OR4F17: variants seen among roughly 807,000 people sequenced by gnomAD.
The protein encoded by OR4F17 is olfactory receptor 4F17.
For missense variants in OR4F17, 1 was observed against 323.6 expected (o/e 0.00, Z 7.65); for synonymous variants, 1 against 120.7 (o/e 0.01, Z 6.50).
At chr19:108,845 A>G (rs1968666732) in intron 2 of OR4F17, among the ~76,000 whole-genome samples, 1 of 152,182 alleles carries the variant, frequency 6.6e-6, no homozygotes, top group Non-Finnish European at 1.5e-5. Context: ...GTGAATGTTC[A>G]TGATTTATTC....
At chr19:109,931 T>C (rs1280575066) in intron 2 of OR4F17, among the ~76,000 whole-genome samples, 6 of 152,132 alleles carry the variant, frequency 3.9e-5, no homozygotes. Flanking sequence ...ATTACTTGGC[T>C]TCATTTCCAA....
At chr19:109,847 C>A (rs1423429276) in intron 2 of OR4F17, among the ~76,000 whole-genome samples, 1 of 152,018 alleles carries the variant, frequency 6.6e-6, no homozygotes, top group Admixed American at 6.6e-5. Context: ...TGGGATCTTA[C>A]AGGTCTTCAT....
intron 2 of OR4F17, among the ~76,000 whole-genome samples, chr19:108,276 A>T (rs1158657519): frequency 6.7e-5 from 10 of 149,304 alleles, no homozygotes; most frequent in Non-Finnish European, 1.3e-4. Context: ...ACCTGTCAAC[A>T]GTGGCTGGCT....
At chr19:109,254 T>A (rs1968673932) in intron 2 of OR4F17, among the ~76,000 whole-genome samples, 1 of 151,762 alleles carries the variant, frequency 6.6e-6, no homozygotes, top group Admixed American at 6.6e-5. Flanking sequence ...CTTGAAACAG[T>A]ACTTATTTTC....
chr19:108,435 G>A (rs1743909893), intron 2 of OR4F17, among the ~76,000 whole-genome samples: 1 of 151,612 alleles, frequency 6.6e-6, no homozygotes, highest in South Asian at 2.1e-4. Flanking sequence ...AAGAATTATG[G>A]TGGTGAAGGA....
rs1410720233 is a variant in OR4F17 at position 110,909 on chromosome 19, C to CA, written c.231_232insA (p.Phe78IlefsTer27). On this transcript the variant is annotated frameshift_variant, in exon 3 of 3. Coordinates refer to ENST00000585993, the MANE Select transcript of OR4F17 (RefSeq NM_001005240.3). LOFTEE classifies it high-confidence loss of function. ...TCACAGCCCCCAAGATGATTACTGA[C>CA]TTTTTCAGCCAGCGCAAAGTCATCT... 1 of 1,420,636 alleles carries CA rather than the reference C, an allele frequency of 7.0e-7. No homozygotes were observed. Among genetic ancestry groups the CA allele is most frequent in the African/African-American group, 1.4e-5 (1 of 70,932 alleles). The allele number at this position is 1,420,636 out of a possible 1,614,324, so 88.0% of individuals were successfully genotyped here.
Position 107,820 on chromosome 19 carries a change from TATATAATATAA to T in OR4F17, c.-55+279_-55+289del, listed in dbSNP as rs1320527823. Among the ~76,000 whole-genome samples, 18 of 111,344 alleles carry T rather than the reference TATATAATATAA, an allele frequency of 1.6e-4. 1 individual carries two copies. The highest frequency in any genetic ancestry group is 5.6e-4 in the African/African-American group (17 of 30,244). The allele number at this position is 111,344 out of a possible 152,430, so 73.0% of individuals were successfully genotyped here. ...TATATATATAATATATATTATATAA[TATATAATATAA>T]ATATAATATAAATTATATAAATATA... On this transcript the variant is annotated intron_variant, in intron 2 of 2. Coordinates refer to ENST00000585993, the MANE Select transcript of OR4F17 (RefSeq NM_001005240.3).
intron 2 of OR4F17, among the ~76,000 whole-genome samples, chr19:108,936 C>T (rs1386683334): frequency 6.6e-6 from 1 of 151,664 alleles, no homozygotes; most frequent in African/African-American, 2.4e-5. Flanking sequence ...TAATGTGCTG[C>T]TTTGAGTGTG....
chr19:109,907 T>C (rs1160536096), intron 2 of OR4F17, among the ~76,000 whole-genome samples: 1 of 152,190 alleles, frequency 6.6e-6, no homozygotes, highest in African/African-American at 2.4e-5. Context: ...TTACCTACTG[T>C]TAGGCTTAAA....
At chr19:109,744 G>T (rs1025401730) in intron 2 of OR4F17, among the ~76,000 whole-genome samples, 10 of 133,804 alleles carry the variant, frequency 7.5e-5, no homozygotes, top group South Asian at 6.0e-4. Context: ...ACTTGTCTAA[G>T]GTCATTCAGA....
intron 2 of OR4F17, among the ~76,000 whole-genome samples, chr19:107,792 TTATA>T (rs778763230): frequency 2.5e-4 from 30 of 122,384 alleles, no homozygotes; most frequent in African/African-American, 8.9e-4. Flanking sequence ...ATATTACATA[TTATA>T]TATATATAAT....
intron 1 of OR4F17, 32 bp downstream of exon 1, chr19:107,189 TAGA>T (rs1240721772): frequency 2.3e-4 from 27 of 118,142 alleles, no homozygotes; most frequent in Admixed American, 4.2e-4. Context: ...ACACATATAT[TAGA>T]AGAATGAATG....
chr19:108,165 A>ATATATATTATATAAATATATT (rs1347401651), intron 2 of OR4F17, among the ~76,000 whole-genome samples: 24 of 82,978 alleles, frequency 2.9e-4, no homozygotes, highest in East Asian at 5.7e-4. Context: ...AATATGTATA[A>ATATATATTATATAAATATATT]TATATATTAT....
At position 111,010 on chromosome 19, in the gene OR4F17, TG is replaced by T; in HGVS notation, c.335del (p.Gly112AlafsTer6). 9.6e-7 allele frequency: 1 copy of T among 1,043,090 alleles called. No homozygotes were observed. The highest frequency in any genetic ancestry group is 1.5e-5 in the African/African-American group (1 of 64,828). The allele number at this position is 1,043,090 out of a possible 1,614,324, so 64.6% of individuals were successfully genotyped here. On this transcript the variant is annotated frameshift_variant, in exon 3 of 3. Transcript: ENST00000585993. LOFTEE classifies it high-confidence loss of function. ...AGTGAGATGGTGATCCTCATAGCCATGGGCTTTGACAGATATATAGCAATAT... is the reference window on the plus strand; with the variant it reads ...AGTGAGATGGTGATCCTCATAGCCATGGCTTTGACAGATATATAGCAATAT... The part of the protein sequence containing the change: ...GGSEMVILIA[M>X]GFDRYIAICK...
chr19:111,363 G>C lies in OR4F17; in HGVS notation c.685G>C (p.Ala229Pro), dbSNP rs1391155104. 6.3e-7 allele frequency: 1 copy of C among 1,577,246 alleles called. No individual in the cohort carries two copies. Among genetic ancestry groups the C allele is most frequent in the African/African-American group, 1.3e-5 (1 of 74,500 alleles). Residue 229 changes from alanine to proline, a missense_variant, in exon 3 of 3, where the codon GCT (alanine) becomes CCT (proline). Coordinates refer to ENST00000585993, the MANE Select transcript of OR4F17 (RefSeq NM_001005240.3). ...TCGCCCTTTAGATAAGTCGTCCAAA[G>C]CTCTGTCCACTTTGACTGCTCACAT... Reference protein sequence around the residue: ...QHRPLDKSSKALSTLTAHITV... With the variant: ...QHRPLDKSSKPLSTLTAHITV...
At chr19:108,231 G>A (rs1396789172) in intron 2 of OR4F17, among the ~76,000 whole-genome samples, 19 of 140,660 alleles carry the variant, frequency 1.4e-4, no homozygotes, top group Non-Finnish European at 1.4e-4. Context: ...TCTAATGGTT[G>A]AATTCCAAGA....
At chr19:109,786 G>A (rs1968681631) in intron 2 of OR4F17, among the ~76,000 whole-genome samples, 1 of 147,792 alleles carries the variant, frequency 6.8e-6, no homozygotes, top group African/African-American at 2.4e-5. Flanking sequence ...TTTGAACACA[G>A]GCCTCCTAGC....
intron 2 of OR4F17, among the ~76,000 whole-genome samples, chr19:110,126 CCTCA>C (rs1968686341): frequency 6.7e-6 from 1 of 148,702 alleles, no homozygotes. Context: ...ATTGCATTTT[CCTCA>C]CTTTTTCTCA....
intron 2 of OR4F17, among the ~76,000 whole-genome samples, chr19:108,369 T>C (rs1968658266): frequency 1.3e-5 from 2 of 151,830 alleles, no homozygotes; most frequent in Non-Finnish European, 2.9e-5. Flanking sequence ...TTAGAATAAA[T>C]ACAATTCTTC....
Sources: gnomAD v4.1 joint callset for allele counts (sites outside exome capture counted in the v4.1 genomes callset) on GRCh38, gnomAD v4.1.1 for gene constraint, MANE v1.5 for transcripts, NCBI Gene and HGNC (gene_info 2026-07-23, HGNC 2026-07-21) for gene names.